The following WDR62 variants were observed in gnomAD, a reference collection of about 807,000 sequenced individuals.
The protein encoded by WDR62 is WD repeat-containing protein 62.
A neutral mutation model predicts 160.6 loss-of-function variants in WDR62; 112 were observed. The observed-to-expected ratio is 0.70, with a 90% CI of 0.60 to 0.82. The LOEUF is 0.82. WDR62 is among the 40% of genes least tolerant of loss of function. WDR62 has a pLI of 0.00. For missense variants in WDR62, 1,819 were observed against 1,983.8 expected (o/e 0.92, Z 1.58); for synonymous variants, 792 against 815.1 (o/e 0.97, Z 0.48).
chr19:36,086,931 A>G, intron 13 of WDR62, 119 bp downstream of exon 13: 1 of 1,382,432 alleles, frequency 7.2e-7, no homozygotes, highest in Non-Finnish European at 9.9e-7. Flanking sequence ...ATCTGTGTAC[A>G]GTATACAGAA....
chr19:36,074,017 G>A, intron 9 of WDR62: 1 of 329,190 alleles, frequency 3.0e-6, no homozygotes, highest in South Asian at 2.5e-5. Context: ...AGGAGTTGAA[G>A]ACGGGGCATG....
In WDR62 at chr19:36,104,932, G is replaced by A. The variant is rs746402119; in HGVS notation, c.4476G>A (p.Thr1492=). The A allele has an allele frequency of 8.1e-6, 13 of 1,608,636 alleles. No homozygotes were observed. The highest frequency in any genetic ancestry group is 4.5e-5 in the East Asian group (2 of 44,770). ...GCCCAGGACCCCCGTCCCCACCGACGCTGTACCCCCTGGCCAGCCCAGACC... is the reference window on the plus strand; with the variant it reads ...GCCCAGGACCCCCGTCCCCACCGACACTGTACCCCCTGGCCAGCCCAGACC... ...LPSPGPPSPP[T]LYPLASPDLQ... is the part of the protein sequence containing the mutation. The change falls in exon 32 of 32, where the codon ACG becomes ACA. Residue 1492 remains threonine (T), a synonymous_variant. Coordinates refer to ENST00000401500, the MANE Select transcript of WDR62 (RefSeq NM_001083961.2).
intron 20 of WDR62, 72 bp from the exon 21 acceptor site, chr19:36,096,955 A>G (rs890435512): frequency 2.1e-6 from 3 of 1,435,552 alleles, no homozygotes; most frequent in African/African-American, 1.4e-5. Flanking sequence ...CTCTTTGGGG[A>G]CTGCCCGGTT....
At chr19:36,090,598 C>T in intron 16 of WDR62, 78 bp downstream of exon 16, 1 of 1,374,628 alleles carries the variant, frequency 7.3e-7, no homozygotes, top group Non-Finnish European at 1.0e-6. Context: ...GAGACCTGTG[C>T]CCTTGGTCCT....
rs775463564 is a variant in WDR62, at chr19:36,055,077, C to G, written c.106C>G (p.Pro36Ala). ...PARRGQSSPP[P>A]APPICLRRRT... ...GCGGAGGGGCCAGTCCTCCCCGCCC[C>G]CCGCCCCACCAATCTGCCTACGGCG... is the stretch of plus-strand genomic sequence containing the variant. The change falls in exon 1 of 32, where the codon CCC becomes GCC. Residue 36 changes from proline to alanine, a missense_variant. Around this residue, in one of 3 missense-constraint regions of WDR62, gnomAD observed 115 missense variants for 92.4 expected, o/e 1.24. Transcript: ENST00000401500. The G allele has an allele frequency of 5.0e-6, 8 of 1,599,768 alleles. No homozygotes were observed. In the African/African-American group the frequency reaches 1.1e-4, roughly 21 times the overall value.
chr19:36,098,185 CTT>C (rs928715959), intron 21 of WDR62, among the ~76,000 whole-genome samples: 9 of 152,030 alleles, frequency 5.9e-5, no homozygotes, highest in Admixed American at 5.2e-4. Context: ...AGGAGGATCA[CTT>C]CAGCCCAGGA....
chr19:36,091,396 T>G lies in WDR62; in HGVS notation c.2147-6T>G. On this transcript the variant is annotated splice_region_variant and splice_polypyrimidine_tract_variant and intron_variant, in intron 17 of 31. Coordinates refer to ENST00000401500, the MANE Select transcript of WDR62 (RefSeq NM_001083961.2). ...GGCAAGTGCAGCCTCTCTGCTTTGTTTGCAGAAATTATTACCAGCATGAAG... is the reference window on the plus strand; with the variant it reads ...GGCAAGTGCAGCCTCTCTGCTTTGTGTGCAGAAATTATTACCAGCATGAAG... 1.2e-6 allele frequency: 2 copies of G among 1,614,182 alleles called. No individual in the cohort carries two copies. Among genetic ancestry groups the G allele is most frequent in the African/African-American group, 2.7e-5 (2 of 75,074 alleles).
Position 36,071,675 on chromosome 19 carries a change from A to C in WDR62, c.1002A>C (p.Pro334=). 1 of 1,614,198 alleles carries C rather than the reference A, an allele frequency of 6.2e-7. No homozygotes were observed. Among genetic ancestry groups the C allele is most frequent in the Non-Finnish European group, 8.5e-7 (1 of 1,180,032 alleles). The change falls in exon 8 of 32, where the codon CCA becomes CCC. Residue 334 remains proline (P), a synonymous_variant. Transcript: ENST00000401500. ...ACTACCTCGCCAACCTGCCCAAGCC[A>C]CACTACCTTGGGGTAGACGTGGCAC... ...SLHYLANLPK[P]HYLGVDVAQG...
At chr19:36,069,550 G>T (rs1296980855) in intron 7 of WDR62, among the ~76,000 whole-genome samples, 1 of 151,948 alleles carries the variant, frequency 6.6e-6, no homozygotes, top group African/African-American at 2.4e-5. Flanking sequence ...CAGACGATGG[G>T]CGGCCAGGCA....
intron 7 of WDR62, among the ~76,000 whole-genome samples, chr19:36,069,501 C>A (rs939032736): frequency 6.6e-6 from 1 of 151,564 alleles, no homozygotes; most frequent in Non-Finnish European, 1.5e-5. Context: ...CTCCTCACTT[C>A]CCAGATTGGG....
chr19:36,107,139 G>A (rs1404032319), downstream of WDR62, among the ~76,000 whole-genome samples: 2 of 152,194 alleles, frequency 1.3e-5, no homozygotes, highest in South Asian at 2.1e-4. Flanking sequence ...ATGGAGGGAC[G>A]TTGGTTACCC....
chr19:36,058,893 C>G, intron 2 of WDR62, 22 bp downstream of exon 2: 1 of 1,591,550 alleles, frequency 6.3e-7, no homozygotes, highest in Non-Finnish European at 8.6e-7. Context: ...AGGGCCTCGA[C>G]GTCTAATCAT....
rs754319969 is a variant in WDR62 at position 36,102,067 on chromosome 19, C to T, written c.3136C>T (p.Pro1046Ser). Residue 1046 changes from proline to serine, a missense_variant, in exon 26 of 32, where the codon CCC becomes TCC. Transcript: ENST00000401500. ...GTCCCTGCCCGAGGGACCCAGCGTC[C>T]CCAGCAGCTCCCTACCCCAGACTCC... ...ELSLPEGPSV[P>S]SSSLPQTPEQ... is the part of the protein sequence containing the mutation. 24 of 1,614,088 alleles carry T rather than the reference C, an allele frequency of 1.5e-5. No homozygotes were observed. In the Admixed American group the frequency reaches 4.0e-4, roughly 27 times the overall value.
chr19:36,103,419 C>T lies in WDR62; in HGVS notation c.3591C>T (p.Pro1197=). 4.3e-6 allele frequency: 7 copies of T among 1,614,138 alleles called. No individual in the cohort carries two copies. The highest frequency in any genetic ancestry group is 5.9e-6 in the Non-Finnish European group (7 of 1,180,014). ...VLPTDRNLPT[P]TSAPTPGLAQ... ...CCACAGACAGGAATCTCCCAACGCC[C>T]ACATCTGCACCCACCCCAGGCCTGG... The change falls in exon 30 of 32, where the codon CCC becomes CCT. Residue 1197 remains proline (P), a synonymous_variant. Coordinates refer to ENST00000401500, the MANE Select transcript of WDR62 (RefSeq NM_001083961.2).
rs1417496124 is a variant in WDR62 at position 36,067,404 on chromosome 19, TGTGAG to T, written c.663_667del (p.Arg222LeufsTer8). The stretch of plus-strand genomic sequence containing the variant: ...ATTTTGTCACTGTTGGGAACCGCCA[TGTGAG>T]GTTCTGGTTCTTGGAAGTCTCCACT... On this transcript the variant is annotated frameshift_variant, in exon 6 of 32. Coordinates refer to ENST00000401500, the MANE Select transcript of WDR62 (RefSeq NM_001083961.2). LOFTEE classifies it high-confidence loss of function. 1 of 1,614,084 alleles carries T rather than the reference TGTGAG, an allele frequency of 6.2e-7. No individual in the cohort carries two copies. Among genetic ancestry groups the T allele is most frequent in the African/African-American group, 1.3e-5 (1 of 74,930 alleles).
chr19:36,081,616 C>T, intron 10 of WDR62, 46 bp downstream of exon 10: 1 of 1,613,568 alleles, frequency 6.2e-7, no homozygotes, highest in Non-Finnish European at 8.5e-7. Flanking sequence ...GAACAAAGAC[C>T]TACTGTAAGC....
intron 3 of WDR62, chr19:36,062,291 A>T (rs1245243089): frequency 1.3e-5 from 2 of 152,072 alleles, no homozygotes; most frequent in African/African-American, 4.8e-5. Context: ...TTTTGTCTAT[A>T]TACATATTAA....
intron 16 of WDR62, 102 bp downstream of exon 16, chr19:36,090,622 G>A (rs145457953): frequency 5.7e-5 from 60 of 1,061,664 alleles, no homozygotes; most frequent in African/African-American, 4.2e-4. Flanking sequence ...TCAGTGCACC[G>A]CGCTGCCCAG....
chr19:36,109,470 A>G (rs1356147028), downstream of WDR62, among the ~76,000 whole-genome samples: 1 of 152,222 alleles, frequency 6.6e-6, no homozygotes, highest in African/African-American at 2.4e-5. Flanking sequence ...GCAATGGCTC[A>G]CGCCTGTAAT....
Sources: allele counts gnomAD v4.1 joint callset (sites outside exome capture counted in the v4.1 genomes callset), GRCh38; gene constraint gnomAD v4.1.1; regional missense constraint gnomAD v4.1.1; transcripts MANE v1.5; gene names NCBI Gene and HGNC (gene_info 2026-07-23, HGNC 2026-07-21).